ADGRE2: variants seen among roughly 807,000 people sequenced by gnomAD.
ADGRE2 encodes CD97 antigen.
Under a neutral mutation model 100.8 loss-of-function variants are expected in ADGRE2, and 83 were observed. That is an observed-to-expected ratio of 0.82 (90% CI 0.69 to 0.99). The LOEUF (loss-of-function observed/expected upper bound fraction) is 0.99, where lower values mean the gene tolerates loss of function less well. ADGRE2 is among the 50% of genes least tolerant of loss of function. The probability of loss-of-function intolerance (pLI) is 0.00; values close to 1 mark genes in which losing one functional copy is unlikely to be tolerated. For synonymous variants in ADGRE2, 355 were observed against 413.0 expected (o/e 0.86, Z 1.70); for missense variants, 814 against 1,035.7 (o/e 0.79, Z 2.94).
intron 20 of ADGRE2, among the ~76,000 whole-genome samples, chr19:14,737,166 A>C (rs923218630): frequency 6.7e-6 from 1 of 150,210 alleles, no homozygotes; most frequent in African/African-American, 2.4e-5. Context: ...TTTATTAAAA[A>C]AAAGAAATTT....
Position 14,755,190 on chromosome 19 carries a change from T to G in ADGRE2, c.1417-63A>C, listed in dbSNP as rs1236515573. 2.6e-6 allele frequency: 4 copies of G among 1,544,840 alleles called. No individual in the cohort carries two copies. In the East Asian group the frequency reaches 9.1e-5, roughly 35 times the overall value. On this transcript the variant is annotated intron_variant, in intron 13 of 20. Transcript: ENST00000315576. ...GGCTCACGCCTGTAATCCCAGCACTTTGGGAGGCTGAAGCAGGTGGATCAC... is the reference window on the plus strand; with the variant it reads ...GGCTCACGCCTGTAATCCCAGCACTGTGGGAGGCTGAAGCAGGTGGATCAC...
intron 5 of ADGRE2, among the ~76,000 whole-genome samples, chr19:14,768,136 C>T (rs534188315): frequency 7.2e-4 from 109 of 152,318 alleles, no homozygotes; most frequent in African/African-American, 2.2e-3. Flanking sequence ...ATCAGAATCC[C>T]GGTGGCCCTA....
chr19:14,736,238 A>G lies in ADGRE2; in HGVS notation c.2470T>C (p.Ter824GlnextTer16), dbSNP rs749620311. The G allele has an allele frequency of 1.3e-6, 2 of 1,571,670 alleles. No homozygotes were observed. Among genetic ancestry groups the G allele is most frequent in the Admixed American group, 3.4e-5 (2 of 59,676 alleles). Reference protein sequence around the residue: ...ADTSKPSTVN* With the variant: ...ADTSKPSTVNQ ...AAGATCTTATTCAGAAGATTTTTCTAGTTAACCTGAAATATATATATATGT... is the reference window on the plus strand; with the variant it reads ...AAGATCTTATTCAGAAGATTTTTCTGGTTAACCTGAAATATATATATATGT... The change falls in exon 21 of 21, where the codon TAG (stop) becomes CAG (glutamine). Residue 824 changes from the stop codon to glutamine (Q), a stop_lost. Coordinates refer to ENST00000315576, the MANE Select transcript of ADGRE2 (RefSeq NM_013447.4).
intron 16 of ADGRE2, among the ~76,000 whole-genome samples, chr19:14,750,813 CTAT>C (rs1268203482): frequency 6.6e-6 from 1 of 151,994 alleles, no homozygotes; most frequent in Non-Finnish European, 1.5e-5. Context: ...TTATCCCTAA[CTAT>C]TATTATTATT....
chr19:14,752,742 G>A (rs1294608040), intron 14 of ADGRE2, among the ~76,000 whole-genome samples: 1 of 151,904 alleles, frequency 6.6e-6, no homozygotes, highest in Non-Finnish European at 1.5e-5. Context: ...AGGTGACAAC[G>A]GGTGTGCATT....
chr19:14,754,684 A>C (rs1157722820), intron 14 of ADGRE2, among the ~76,000 whole-genome samples: 3 of 152,188 alleles, frequency 2.0e-5, no homozygotes. Context: ...GTGAGACTTC[A>C]GTCCTACAAT....
intron 11 of ADGRE2, among the ~76,000 whole-genome samples, chr19:14,759,488 C>CATATATATATATAT (rs147074153): frequency 2.3e-3 from 307 of 133,560 alleles, no homozygotes; most frequent in Non-Finnish European, 3.7e-3. Flanking sequence ...ATAAGTTATA[C>CATATATATATATAT]ATATATATAT....
At chr19:14,768,803 G>A (rs1035444165) in intron 5 of ADGRE2, 9 of 152,382 alleles carry the variant, frequency 5.9e-5, no homozygotes, top group African/African-American at 2.2e-4. Context: ...AGAAAAAGAG[G>A]TCAGGGCTCC....
intron 11 of ADGRE2, among the ~76,000 whole-genome samples, chr19:14,757,989 T>C (rs977735515): frequency 2.0e-5 from 3 of 152,160 alleles, no homozygotes; most frequent in Non-Finnish European, 4.4e-5. Context: ...ATTTTTATTT[T>C]TAGTAAGGAC....
rs1359045292 is a variant in ADGRE2 at position 14,751,575 on chromosome 19, G to A, written c.1885C>T (p.Arg629Trp). ...LEALYLFLTA[R>W]NLTVVNYSSI... is the part of the protein sequence containing the mutation. Reference sequence around the variant, plus strand: ...GAGTAGTTGACCACCGTCAGGTTCCGTGCAGTGAGGAAGAGGTACAGGGCC... The same window carrying A: ...GAGTAGTTGACCACCGTCAGGTTCCATGCAGTGAGGAAGAGGTACAGGGCC... Residue 629 changes from arginine to tryptophan, a missense_variant, in exon 16 of 21, where the codon CGG (arginine) becomes TGG (tryptophan). Around this residue, in one of 5 missense-constraint regions of ADGRE2, gnomAD observed 569 missense variants for 692.7 expected, o/e 0.82. Transcript: ENST00000315576. 5.0e-6 allele frequency: 8 copies of A among 1,613,920 alleles called. No homozygotes were observed. The highest frequency in any genetic ancestry group is 1.6e-4 in the Middle Eastern group (1 of 6,084).
At chr19:14,751,912 CATATAT>C (rs1259908615) in intron 15 of ADGRE2, among the ~76,000 whole-genome samples, 5 of 95,042 alleles carry the variant, frequency 5.3e-5, no homozygotes, top group African/African-American at 2.0e-4. Context: ...CACACACACA[CATATAT>C]ATATATATAT....
rs377535059 is a variant in ADGRE2, at chr19:14,746,251, A to T, written c.2164T>A (p.Ser722Thr). Residue 722 changes from serine to threonine, a missense_variant, in exon 18 of 21, where the codon TCC becomes ACC. Transcript: ENST00000315576. ...NRLSSLNSEV[S>T]TLRNTRMLAF... The stretch of plus-strand genomic sequence containing the variant: ...TCTTACCTTGTGTTCCGGAGGGTGG[A>T]CACTTCACTATTGAGGGAGGAGAGT... 5 of 1,604,208 alleles carry T rather than the reference A, an allele frequency of 3.1e-6. No homozygotes were observed. The African/African-American group carries it at 5.4e-5, about 17-fold the overall frequency.
chr19:14,728,504 GT>G (rs747944245), downstream of ADGRE2, among the ~76,000 whole-genome samples: 29 of 152,120 alleles, frequency 1.9e-4, no homozygotes, highest in Non-Finnish European at 3.8e-4. Context: ...TTTGTCTTAT[GT>G]TTAGCTTTGA....
At chr19:14,772,124 G>A in intron 5 of ADGRE2, 1 of 603,452 alleles carries the variant, frequency 1.7e-6, no homozygotes, top group Non-Finnish European at 2.9e-6. Flanking sequence ...GCAAAGCCAG[G>A]ATTTGGGCCC....
chr19:14,728,553 A>G (rs563548719), downstream of ADGRE2, among the ~76,000 whole-genome samples: 2 of 152,358 alleles, frequency 1.3e-5, no homozygotes, highest in South Asian at 2.1e-4. Flanking sequence ...AATGTATTCA[A>G]TAGAAAGATG....
chr19:14,774,554 G>C (rs1337561622), intron 2 of ADGRE2, among the ~76,000 whole-genome samples: 2 of 151,412 alleles, frequency 1.3e-5, no homozygotes, highest in Non-Finnish European at 2.9e-5. Context: ...GGTCACCCAG[G>C]CTGGGGTGCA....
At chr19:14,752,648 T>G in intron 14 of ADGRE2, 122 bp from the exon 15 acceptor site, 1 of 1,217,210 alleles carries the variant, frequency 8.2e-7, no homozygotes, top group Non-Finnish European at 1.2e-6. Flanking sequence ...CAGGTAAATT[T>G]GTGAAGATGT....
chr19:14,762,651 T>C (rs1038325371), intron 11 of ADGRE2, among the ~76,000 whole-genome samples: 1 of 152,088 alleles, frequency 6.6e-6, no homozygotes, highest in Non-Finnish European at 1.5e-5. Context: ...AATTTTAATT[T>C]TTTTGTTTGA....
intron 4 of ADGRE2, 94 bp from the exon 5 acceptor site, chr19:14,772,591 G>A: frequency 6.9e-7 from 1 of 1,456,828 alleles, no homozygotes; most frequent in Non-Finnish European, 9.4e-7. Flanking sequence ...GGGGCCTGCT[G>A]CTTAGTATCT....
Sources: gnomAD v4.1 joint callset for allele counts (sites outside exome capture counted in the v4.1 genomes callset) on GRCh38, gnomAD v4.1.1 for gene constraint, gnomAD v4.1.1 regional missense constraint, MANE v1.5 for transcripts, NCBI Gene and HGNC (gene_info 2026-07-23, HGNC 2026-07-21) for gene names.